The following RAD51AP2 variants were observed in gnomAD, a reference collection of about 807,000 sequenced individuals.
RAD51AP2 encodes RAD51 associated protein 2, also known as RAD51-associated protein 2.
RAD51AP2 carries 67 observed loss-of-function variants against 85.5 expected under a neutral mutation model. The observed-to-expected ratio is 0.78, with a 90% CI of 0.64 to 0.96. The LOEUF (loss-of-function observed/expected upper bound fraction) is 0.96. RAD51AP2 is among the 40% of genes least tolerant of loss of function. RAD51AP2 has a pLI of 0.00. For synonymous variants in RAD51AP2, 474 were observed against 446.5 expected (o/e 1.06, Z -0.78); for missense variants, 1,307 against 1,332.4 (o/e 0.98, Z 0.30).
In RAD51AP2 at chr2:17,516,277, A is replaced by T. The variant is rs369006007; in HGVS notation, c.2139T>A (p.Cys713Ter). 62 of 1,610,862 alleles carry T rather than the reference A, an allele frequency of 3.8e-5. No homozygotes were observed. Among genetic ancestry groups the T allele is most frequent in the Non-Finnish European group, 4.7e-5 (56 of 1,179,184 alleles). The change falls in exon 1 of 3, where the codon TGT becomes TGA. Residue 713 changes from cysteine to a stop codon, truncating the protein, a stop_gained. Transcript: ENST00000399080. LOFTEE classifies it high-confidence loss of function. Reference protein sequence around the residue: ...IREITCQNMSCPQQVVNVENW... With the variant: ...IREITCQNMS ...TTTCCACATTCACAACTTGTTGAGG[A>T]CAACTCATATTCTGACAAGTAATTT...
rs1662466046 is a variant in RAD51AP2, at chr2:17,510,716, C to T, written c.*88G>A. 1 of 836,498 alleles carries T rather than the reference C, an allele frequency of 1.2e-6. No homozygotes were observed. The highest frequency in any genetic ancestry group is 1.7e-6 in the Non-Finnish European group (1 of 584,670). 51.8% of individuals were successfully genotyped at this position (836,498 alleles called of 1,614,324 possible). On this transcript the variant is annotated 3_prime_UTR_variant, in exon 3 of 3. Transcript: ENST00000399080. ...AAAACTTCTCCACTTTATAATAAAG[C>T]AAGCCCCAAACCCCCAAGCTGGAAG...
At position 17,516,823 on chromosome 2, in the gene RAD51AP2, G is replaced by A. The variant is rs1168813487; in HGVS notation, c.1593C>T (p.Thr531=). ...TTTTACACTTCAAAATGTTACAGCAGGTTAAAATACTATTATCTTTTTTAT... is the reference window on the plus strand; with the variant it reads ...TTTTACACTTCAAAATGTTACAGCAAGTTAAAATACTATTATCTTTTTTAT... ...SGNKKDNSIL[T]CCNILKCKKQ... Residue 531 remains threonine (T), a synonymous_variant, in exon 1 of 3, where the codon ACC becomes ACT. Coordinates refer to ENST00000399080, the MANE Select transcript of RAD51AP2 (RefSeq NM_001099218.3). 1 of 1,546,242 alleles carries A rather than the reference G, an allele frequency of 6.5e-7. No homozygotes were observed. Among genetic ancestry groups the A allele is most frequent in the East Asian group, 2.3e-5 (1 of 43,514 alleles).
At position 17,517,611 on chromosome 2, in the gene RAD51AP2, T is replaced by C. The variant is rs546340033; in HGVS notation, c.805A>G (p.Lys269Glu). The C allele has an allele frequency of 5.8e-5, 93 of 1,614,044 alleles. 1 individual carries two copies. In the South Asian group the frequency reaches 9.6e-4, roughly 17 times the overall value. Reference sequence around the variant, plus strand: ...TCCTTTAAATAGACAGAGGACATTTTGCTATTTAAGTCCATTGGAAACTGA... The same window carrying C: ...TCCTTTAAATAGACAGAGGACATTTCGCTATTTAAGTCCATTGGAAACTGA... ...VPQFPMDLNS[K>E]MSSVYLKEIA... The change falls in exon 1 of 3, where the codon AAA (lysine) becomes GAA (glutamate). Residue 269 changes from lysine (K) to glutamate (E), a missense_variant. This residue lies in a region of RAD51AP2 where 635 missense variants were observed against 643.6 expected (regional missense o/e 0.99). Transcript: ENST00000399080.
At chr2:17,518,543 T>C, upstream of RAD51AP2, 1 of 1,246,912 alleles carries the variant, frequency 8.0e-7, no homozygotes, top group Non-Finnish European at 1.1e-6. Context: ...ATCTCAGGGT[T>C]TGCCCCACCC....
rs1662571569 is a variant in RAD51AP2 at position 17,513,972 on chromosome 2, T to A, written c.3328+40A>T. 3 of 1,034,970 alleles carry A rather than the reference T, an allele frequency of 2.9e-6. No individual in the cohort carries two copies. The African/African-American group carries it at 4.8e-5, about 17-fold the overall frequency. 64.1% of individuals were successfully genotyped at this position (1,034,970 alleles called of 1,614,324 possible). On this transcript the variant is annotated intron_variant, in intron 2 of 2. Coordinates refer to ENST00000399080, the MANE Select transcript of RAD51AP2 (RefSeq NM_001099218.3). ...TACTAAAAATACCATAATGCAATAA[T>A]CATCTTAGAAGTTATCCTAAAAAGT...
chr2:17,533,547 C>T, the RAD51AP2 span, among the ~76,000 whole-genome samples: 1 of 152,178 alleles, frequency 6.6e-6, no homozygotes, highest in Non-Finnish European at 1.5e-5. Flanking sequence ...ATTGTAAAAA[C>T]TTTTCTTCCA....
rs1662673112 is a variant in RAD51AP2 at position 17,516,490 on chromosome 2, A to T, written c.1926T>A (p.Asn642Lys). The T allele has an allele frequency of 1.3e-6, 2 of 1,539,972 alleles. No individual in the cohort carries two copies. The highest frequency in any genetic ancestry group is 1.8e-6 in the Non-Finnish European group (2 of 1,132,108). ...ILTSSRLLED[N>K]MKPMLKKRKL... ...TCCTTTTCTTTAACATAGGTTTCAT[A>T]TTATCTTCTAATAGTCTTGAAGAAG... Residue 642 changes from asparagine (N) to lysine (K), a missense_variant, in exon 1 of 3, where the codon AAT (asparagine) becomes AAA (lysine). By Grantham distance (94) the Asn-to-Lys change is moderately conservative. This residue lies in a region of RAD51AP2 where 668 missense variants were observed against 671.0 expected (regional missense o/e 1.00). Transcript: ENST00000399080.
In RAD51AP2 at chr2:17,517,716, T is replaced by C. The variant is rs746877952; in HGVS notation, c.700A>G (p.Ile234Val). 9 of 1,612,974 alleles carry C rather than the reference T, an allele frequency of 5.6e-6. No homozygotes were observed. The Admixed American group carries it at 1.5e-4, about 27-fold the overall frequency. ...CTGGGCTGGTTTTGAGATTTTGATA[T>C]TTTTAGTACAGATGATGAAATGTTA... is the stretch of plus-strand genomic sequence containing the variant. ...ENNISSSVLKISKSQNQPSLE... is the reference protein window; with the variant it reads ...ENNISSSVLKVSKSQNQPSLE... Residue 234 changes from isoleucine to valine, a missense_variant, in exon 1 of 3, where the codon ATA (isoleucine) becomes GTA (valine). Coordinates refer to ENST00000399080, the MANE Select transcript of RAD51AP2 (RefSeq NM_001099218.3).
Position 17,517,580 on chromosome 2 carries a change from G to A in RAD51AP2, c.836C>T (p.Ala279Val), listed in dbSNP as rs756857775. The change falls in exon 1 of 3, where the codon GCG becomes GTG. Residue 279 changes from alanine to valine, a missense_variant. Ala to Val is a moderately conservative substitution (Grantham distance 64, BLOSUM62 0). Coordinates refer to ENST00000399080, the MANE Select transcript of RAD51AP2 (RefSeq NM_001099218.3). Reference sequence around the variant, plus strand: ...CTCTTTTTTGTCATTCTTTTTCTTCGCTATTTCCTTTAAATAGACAGAGGA... The same window carrying A: ...CTCTTTTTTGTCATTCTTTTTCTTCACTATTTCCTTTAAATAGACAGAGGA... ...KMSSVYLKEI[A>V]KKKNDKKEAY... is the part of the protein sequence containing the mutation. 4.3e-5 allele frequency: 70 copies of A among 1,613,046 alleles called. No homozygotes were observed. Among genetic ancestry groups the A allele is most frequent in the Non-Finnish European group, 5.8e-5 (69 of 1,179,818 alleles).
the RAD51AP2 span, among the ~76,000 whole-genome samples, chr2:17,530,346 T>TA: frequency 6.6e-6 from 1 of 152,180 alleles, no homozygotes. Flanking sequence ...AATTAGTTTT[T>TA]AAATGATCCT....
At position 17,518,255 on chromosome 2, in the gene RAD51AP2, A is replaced by G; in HGVS notation, c.161T>C (p.Val54Ala). 6.2e-7 allele frequency: 1 copy of G among 1,614,188 alleles called. No homozygotes were observed. Among genetic ancestry groups the G allele is most frequent in the Non-Finnish European group, 8.5e-7 (1 of 1,180,024 alleles). The change falls in exon 1 of 3, where the codon GTG (valine) becomes GCG (alanine). Residue 54 changes from valine (V) to alanine (A), a missense_variant. Val to Ala is a moderately conservative substitution (Grantham distance 64). Coordinates refer to ENST00000399080, the MANE Select transcript of RAD51AP2 (RefSeq NM_001099218.3). Reference sequence around the variant, plus strand: ...TTTTTCCGCCTCAGACAAGCGAGGCACCAGAGGCAGTCGCCAGCCCGCCTT... The same window carrying G: ...TTTTTCCGCCTCAGACAAGCGAGGCGCCAGAGGCAGTCGCCAGCCCGCCTT... Reference protein sequence around the residue: ...VFKAGWRLPLVPRLSEAEKVW... With the variant: ...VFKAGWRLPLAPRLSEAEKVW...
rs988814789 is a variant in RAD51AP2, at chr2:17,516,866, T to C, written c.1550A>G (p.His517Arg). The C allele has an allele frequency of 5.1e-6, 8 of 1,557,918 alleles. No homozygotes were observed. The highest frequency in any genetic ancestry group is 6.1e-6 in the Non-Finnish European group (7 of 1,152,388). ...ESFIIEIFYF[H>R]KSISGNKKDN... ...TTTTTTATTTCCTGAAATACTTTTA[T>C]GGAAATAAAAAATTTCTATAATGAA... The change falls in exon 1 of 3, where the codon CAT becomes CGT. Residue 517 changes from histidine (H) to arginine (R), a missense_variant. By Grantham distance (29) the His-to-Arg change is conservative (BLOSUM62 0). Around this residue, in one of 3 missense-constraint regions of RAD51AP2, gnomAD observed 635 missense variants for 643.6 expected, o/e 0.99. Transcript: ENST00000399080.
At chr2:17,536,507 C>T in the RAD51AP2 span, among the ~76,000 whole-genome samples, 4,490 of 152,284 alleles carry the variant, frequency 0.029, 65 homozygotes, top group Middle Eastern at 0.054. Context: ...ATAAAGTATT[C>T]TCTATTCTTG....
At chr2:17,520,253 G>A (rs371652649), upstream of RAD51AP2, among the ~76,000 whole-genome samples, 14 of 152,114 alleles carry the variant, frequency 9.2e-5, no homozygotes, top group African/African-American at 3.1e-4. Flanking sequence ...TTATACTAAT[G>A]GCCACTGCCA....
the RAD51AP2 span, among the ~76,000 whole-genome samples, chr2:17,525,522 G>A: frequency 6.6e-6 from 1 of 152,024 alleles, no homozygotes; most frequent in Non-Finnish European, 1.5e-5. Flanking sequence ...GTTTCTCAAA[G>A]ATAATTATGC....
the RAD51AP2 span, among the ~76,000 whole-genome samples, chr2:17,526,206 T>A: frequency 1.3e-5 from 2 of 152,036 alleles, no homozygotes; most frequent in East Asian, 3.9e-4. Flanking sequence ...GAGGATTTTC[T>A]TTTTTTTATT....
rs749582216 is a variant in RAD51AP2 at position 17,515,684 on chromosome 2, A to G, written c.2732T>C (p.Ile911Thr). 6.2e-7 allele frequency: 1 copy of G among 1,610,364 alleles called. No homozygotes were observed. Among genetic ancestry groups the G allele is most frequent in the Non-Finnish European group, 8.5e-7 (1 of 1,178,690 alleles). The change falls in exon 1 of 3, where the codon ATA becomes ACA. Residue 911 changes from isoleucine (I) to threonine (T), a missense_variant. By Grantham distance (89) the Ile-to-Thr change is moderately conservative. This residue lies in a region of RAD51AP2 where 668 missense variants were observed against 671.0 expected (regional missense o/e 1.00). Coordinates refer to ENST00000399080, the MANE Select transcript of RAD51AP2 (RefSeq NM_001099218.3). ...EYESILPERE[I>T]ANSKDFHRKN... The stretch of plus-strand genomic sequence containing the variant: ...TCTGTGAAAATCCTTTGAATTAGCT[A>G]TCTCCCTTTCTGGCAAAATACTCTC...
In RAD51AP2 at chr2:17,516,250, A is replaced by G. The variant is rs991262233; in HGVS notation, c.2166T>C (p.Asn722=). The G allele has an allele frequency of 5.6e-6, 9 of 1,611,284 alleles. No individual in the cohort carries two copies. Among genetic ancestry groups the G allele is most frequent in the Admixed American group, 1.7e-5 (1 of 59,608 alleles). ...CAGTACTAGAATTATAGTGAGCCCA[A>G]TTTTCCACATTCACAACTTGTTGAG... ...SCPQQVVNVE[N]WAHYNSSTVK... Residue 722 remains asparagine, a synonymous_variant, in exon 1 of 3, where the codon AAT becomes AAC. Coordinates refer to ENST00000399080, the MANE Select transcript of RAD51AP2 (RefSeq NM_001099218.3).
chr2:17,515,032 G>A (rs188401326), intron 1 of RAD51AP2, 137 bp downstream of exon 1: 328 of 581,734 alleles, frequency 5.6e-4, no homozygotes, highest in Non-Finnish European at 8.4e-4. Context: ...AAAGAAAATA[G>A]TGTGCATCAA....
Sources: allele counts gnomAD v4.1 joint callset (sites outside exome capture counted in the v4.1 genomes callset), GRCh38; gene constraint gnomAD v4.1.1; regional missense constraint gnomAD v4.1.1; transcripts MANE v1.5; gene names NCBI Gene and HGNC (gene_info 2026-07-23, HGNC 2026-07-21).